The following R3HDM2 variants were observed in gnomAD, a reference collection of about 807,000 sequenced individuals.
The protein encoded by R3HDM2 is R3H domain-containing protein 2.
A neutral mutation model predicts 124.5 loss-of-function variants in R3HDM2; 38 were observed. The ratio of observed to expected loss-of-function variants is 0.31; its 90% CI spans 0.24 to 0.40. The LOEUF (loss-of-function observed/expected upper bound fraction) is 0.40, where lower values mean the gene tolerates loss of function less well. Ranked by LOEUF, R3HDM2 falls within the 10% of genes least tolerant of loss-of-function variation. R3HDM2 has a pLI of 1.00. For synonymous variants in R3HDM2, 391 were observed against 448.0 expected, an observed-to-expected ratio of 0.87 and a Z score of 1.61; for missense variants, 869 against 1,236.9, an observed-to-expected ratio of 0.70 and a Z score of 4.46.
At chr12:57,326,413 A>G (rs1248528943) in intron 2 of R3HDM2, among the ~76,000 whole-genome samples, 1 of 152,256 alleles carries the variant, frequency 6.6e-6, no homozygotes, top group African/African-American at 2.4e-5. Context: ...TAAACGTGCT[A>G]CTACAGGGAA....
At chr12:57,277,796 T>A (rs553187997) in intron 14 of R3HDM2, among the ~76,000 whole-genome samples, 10 of 152,314 alleles carry the variant, frequency 6.6e-5, no homozygotes, top group African/African-American at 2.4e-4. Flanking sequence ...CACAGTGGTG[T>A]TTGTGTGTGC....
intron 9 of R3HDM2, 153 bp from the exon 10 acceptor site, chr12:57,295,660 G>A: frequency 1.6e-6 from 1 of 610,260 alleles, no homozygotes; most frequent in African/African-American, 1.8e-5. Context: ...AGGTTTTAAT[G>A]AAATCTTCAG....
At chr12:57,383,518 C>A (rs2065213965) in intron 2 of R3HDM2, among the ~76,000 whole-genome samples, 1 of 151,198 alleles carries the variant, frequency 6.6e-6, no homozygotes, top group Non-Finnish European at 1.5e-5. Flanking sequence ...GCCTGGCCAA[C>A]ATGGTGAAAC....
intron 2 of R3HDM2, among the ~76,000 whole-genome samples, chr12:57,356,857 T>C (rs2061351258): frequency 6.6e-6 from 1 of 152,224 alleles, no homozygotes; most frequent in South Asian, 2.1e-4. Context: ...ACGCCTGTAA[T>C]CCGGCTTTGG....
intron 3 of R3HDM2, among the ~76,000 whole-genome samples, chr12:57,304,806 G>A (rs1379543041): frequency 6.6e-6 from 1 of 152,198 alleles, no homozygotes; most frequent in African/African-American, 2.4e-5. Flanking sequence ...TGGTCAACCA[G>A]TATTAAAGTT....
At chr12:57,359,064 C>G (rs766716751) in intron 2 of R3HDM2, among the ~76,000 whole-genome samples, 8 of 151,908 alleles carry the variant, frequency 5.3e-5, no homozygotes, top group Admixed American at 6.6e-5. Flanking sequence ...ACTACAGGCG[C>G]CCATCACCAC....
intron 1 of R3HDM2, among the ~76,000 whole-genome samples, chr12:57,399,944 C>T (rs2067901350): frequency 6.6e-6 from 1 of 152,174 alleles, no homozygotes; most frequent in African/African-American, 2.4e-5. Context: ...GCTGATTCAT[C>T]CTGATGGACT....
At position 57,370,407 on chromosome 12, in the gene R3HDM2, G is replaced by C. The variant is rs867291019; in HGVS notation, c.-36+25342C>G. Among the ~76,000 whole-genome samples, 819 of 127,552 alleles carry C rather than the reference G, an allele frequency of 6.4e-3. 93 individuals carry two copies. The highest frequency in any genetic ancestry group is 8.1e-3 in the Non-Finnish European group (474 of 58,462). 83.7% of individuals were successfully genotyped at this position (127,552 alleles called of 152,430 possible). On this transcript the variant is annotated intron_variant, in intron 2 of 23. Transcript: ENST00000402412. Reference sequence around the variant, plus strand: ...GCACTTTGGGAGGCCCGGGGGGGGGGGGCGGGGTGGATCACCTGAGGTCGG... The same window carrying C: ...GCACTTTGGGAGGCCCGGGGGGGGGCGGCGGGGTGGATCACCTGAGGTCGG...
At chr12:57,322,592 G>T (rs933268892) in intron 2 of R3HDM2, among the ~76,000 whole-genome samples, 5 of 152,166 alleles carry the variant, frequency 3.3e-5, no homozygotes, top group African/African-American at 1.2e-4. Flanking sequence ...GAACCTCCAT[G>T]TTGTCTGATT....
At chr12:57,387,527 T>TA (rs1594316000) in intron 2 of R3HDM2, among the ~76,000 whole-genome samples, 2 of 152,222 alleles carry the variant, frequency 1.3e-5, no homozygotes, top group Admixed American at 1.3e-4. Flanking sequence ...TTATACTTTT[T>TA]AAAAATAGGT....
intron 1 of R3HDM2, among the ~76,000 whole-genome samples, chr12:57,419,085 ATC>A (rs1262101107): frequency 6.6e-6 from 1 of 151,458 alleles, no homozygotes; most frequent in Non-Finnish European, 1.5e-5. Context: ...CCCTAAATAT[ATC>A]TTTCTCTTCA....
At chr12:57,413,410 A>G (rs2069193220) in intron 1 of R3HDM2, among the ~76,000 whole-genome samples, 1 of 148,204 alleles carries the variant, frequency 6.7e-6, no homozygotes, top group Non-Finnish European at 1.5e-5. Context: ...CCGGGCCAAT[A>G]TAGTGCAACC....
chr12:57,280,199 C>A (rs2045809035), intron 14 of R3HDM2, among the ~76,000 whole-genome samples, 159 bp downstream of exon 14: 1 of 152,152 alleles, frequency 6.6e-6, no homozygotes, highest in Non-Finnish European at 1.5e-5. Flanking sequence ...GCTCAAGGTT[C>A]TTCTTTCCCT....
rs2060741354 is a variant in R3HDM2, at chr12:57,352,161, G to C, written c.-35-41698C>G. Among the ~76,000 whole-genome samples the C allele has an allele frequency of 2.1e-5, 3 of 141,028 alleles. No individual in the cohort carries two copies. In the Admixed American group the frequency reaches 2.3e-4, roughly 11 times the overall value. 92.5% of individuals were successfully genotyped at this position (141,028 alleles called of 152,430 possible). A position where few individuals can be genotyped will look rare whatever the true frequency, so the allele number is the denominator to read the frequency against. ...GGAGGCTGAGGCAGGAGAATCACTT[G>C]AACCCAAGAGGTGGAGGTTGCAGTG... On this transcript the variant is annotated intron_variant, in intron 2 of 23. Transcript: ENST00000402412.
chr12:57,374,721 C>T lies in R3HDM2; in HGVS notation c.-36+21028G>A, dbSNP rs563425997. On this transcript the variant is annotated intron_variant, in intron 2 of 23. Transcript: ENST00000402412. Reference sequence around the variant, plus strand: ...AAAAAAAAAAAAAAAAGGCCGGGCGCGGTGGCTCACGCCTGTAATACTAGC... The same window carrying T: ...AAAAAAAAAAAAAAAAGGCCGGGCGTGGTGGCTCACGCCTGTAATACTAGC... Among the ~76,000 whole-genome samples, 805 of 134,036 alleles carry T rather than the reference C, an allele frequency of 6.0e-3. 8 individuals carry two copies. Among genetic ancestry groups the T allele is most frequent in the Middle Eastern group, 9.1e-3 (2 of 220 alleles). 87.9% of individuals were successfully genotyped at this position (134,036 alleles called of 152,430 possible). A position where few individuals can be genotyped will look rare whatever the true frequency, so the allele number is the denominator to read the frequency against.
chr12:57,414,157 C>CT (rs966758167), intron 1 of R3HDM2, among the ~76,000 whole-genome samples: 19 of 150,344 alleles, frequency 1.3e-4, no homozygotes, highest in African/African-American at 3.4e-4. Context: ...CCCACTCTAT[C>CT]TTTTTTTTAC....
intron 2 of R3HDM2, among the ~76,000 whole-genome samples, chr12:57,368,476 A>G (rs901801867): frequency 3.9e-5 from 6 of 152,196 alleles, no homozygotes; most frequent in Non-Finnish European, 8.8e-5. Context: ...TAAGTCTACC[A>G]ATATGATTTA....
At chr12:57,319,234 C>G (rs967921211) in intron 2 of R3HDM2, among the ~76,000 whole-genome samples, 1 of 152,096 alleles carries the variant, frequency 6.6e-6, no homozygotes, top group African/African-American at 2.4e-5. Flanking sequence ...AGGGGTTTCA[C>G]CATGTTGGCC....
chr12:57,264,036 A>G (rs2041597858), intron 19 of R3HDM2, among the ~76,000 whole-genome samples: 1 of 152,134 alleles, frequency 6.6e-6, no homozygotes, highest in Non-Finnish European at 1.5e-5. Context: ...TGAGGTCAGG[A>G]GATCAGGCCC....
Sources: gnomAD v4.1 joint callset for allele counts (sites outside exome capture counted in the v4.1 genomes callset) on GRCh38, gnomAD v4.1.1 for gene constraint, MANE v1.5 for transcripts, NCBI Gene and HGNC (gene_info 2026-07-23, HGNC 2026-07-21) for gene names.